CRKL: variants seen among roughly 807,000 people sequenced by gnomAD.
CRKL encodes CRK like proto-oncogene, adaptor protein.
In CRKL, 3 loss-of-function variants were observed where a neutral mutation model predicts 23.0. That is an observed-to-expected ratio of 0.13 (90% CI 0.06 to 0.34). CRKL has a LOEUF of 0.34. Ranked by LOEUF, CRKL falls within the 10% of genes least tolerant of loss-of-function variation. CRKL has a pLI of 1.00. For synonymous variants in CRKL, 188 were observed against 160.7 expected, an observed-to-expected ratio of 1.17 and a Z score of -1.28; for missense variants, 256 against 394.5, an observed-to-expected ratio of 0.65 and a Z score of 2.97.
chr22:20,942,345 GAGACC>G (rs889724976), intron 2 of CRKL, among the ~76,000 whole-genome samples: 1 of 152,148 alleles, frequency 6.6e-6, no homozygotes, highest in African/African-American at 2.4e-5. Context: ...CAAGGAGTTT[GAGACC>G]AGCCTGGGCA....
At chr22:20,919,717 A>G (rs1920970223) in intron 1 of CRKL, among the ~76,000 whole-genome samples, 1 of 152,138 alleles carries the variant, frequency 6.6e-6, no homozygotes, top group African/African-American at 2.4e-5. Flanking sequence ...GTGTTGATAC[A>G]GTTTTTCCAG....
Position 20,951,037 on chromosome 22 carries a change from A to C in CRKL, c.*1192A>C. The C allele has an allele frequency of 4.3e-6, 1 of 232,824 alleles. No homozygotes were observed. The highest frequency in any genetic ancestry group is 8.5e-6 in the Non-Finnish European group (1 of 117,792). The allele number at this position is 232,824 out of a possible 1,614,324, so 14.4% of individuals were successfully genotyped here. On this transcript the variant is annotated 3_prime_UTR_variant, in exon 3 of 3. Coordinates refer to ENST00000354336, the MANE Select transcript of CRKL (RefSeq NM_005207.4). ...ACCTTGTTTTGCCAGTGATAAGAGC[A>C]GTGGGTTGGAGGGCACTTGGCCAGT...
intron 1 of CRKL, among the ~76,000 whole-genome samples, chr22:20,922,685 A>AT (rs1425723482): frequency 2.0e-5 from 3 of 151,762 alleles, no homozygotes; most frequent in Admixed American, 6.6e-5. Flanking sequence ...TATTTTATTT[A>AT]TTTTTTTGAG....
intron 1 of CRKL, among the ~76,000 whole-genome samples, chr22:20,929,018 TATC>T (rs1391653396): frequency 1.3e-5 from 2 of 152,254 alleles, no homozygotes; most frequent in East Asian, 1.9e-4. Context: ...AGAGATTCGT[TATC>T]ATCAGAAAAG....
At chr22:20,922,916 A>G (rs1185919662) in intron 1 of CRKL, among the ~76,000 whole-genome samples, 2 of 151,964 alleles carry the variant, frequency 1.3e-5, no homozygotes, top group Non-Finnish European at 1.5e-5. Flanking sequence ...CAAGTGATCC[A>G]CCTGCCTGGG....
intron 2 of CRKL, among the ~76,000 whole-genome samples, chr22:20,945,085 C>G (rs1922010541): frequency 6.6e-6 from 1 of 151,694 alleles, no homozygotes; most frequent in African/African-American, 2.4e-5. Flanking sequence ...GCGCCACCTC[C>G]CGGGTGCACG....
chr22:20,920,885 C>G (rs1920985349), intron 1 of CRKL, among the ~76,000 whole-genome samples: 1 of 152,156 alleles, frequency 6.6e-6, no homozygotes, highest in Admixed American at 6.6e-5. Flanking sequence ...AGCTTTGTTT[C>G]TCCTTCTCTG....
At position 20,917,920 on chromosome 22, in the gene CRKL, C is replaced by A. The variant is rs1336375363; in HGVS notation, c.-15C>A. On this transcript the variant is annotated 5_prime_UTR_variant, in exon 1 of 3. Coordinates refer to ENST00000354336, the MANE Select transcript of CRKL (RefSeq NM_005207.4). ...GCCGCCGCCCCTACCGCCGCAGAGT[C>A]CCCGGTCCAACACCATGTCCTCCGC... 6 of 1,609,174 alleles carry A rather than the reference C, an allele frequency of 3.7e-6. No homozygotes were observed. The highest frequency in any genetic ancestry group is 1.1e-5 in the South Asian group (1 of 90,596).
chr22:20,940,566 CTTTTTT>C (rs55853175), intron 2 of CRKL, among the ~76,000 whole-genome samples: 1,931 of 134,864 alleles, frequency 0.014, 58 homozygotes, highest in Admixed American at 0.071. Context: ...TTTGGTGCTC[CTTTTTT>C]TTTTTTTTTT....
At chr22:20,947,589 C>T (rs1922109956) in intron 2 of CRKL, among the ~76,000 whole-genome samples, 1 of 151,982 alleles carries the variant, frequency 6.6e-6, no homozygotes, top group Admixed American at 6.6e-5. Flanking sequence ...ATCCATCTGC[C>T]TTGGCCTCCC....
Position 20,952,451 on chromosome 22 carries a change from A to G in CRKL, c.*2606A>G, listed in dbSNP as rs547496077. 1.0e-3 allele frequency: 235 copies of G among 231,356 alleles called. 2 individuals are homozygous for G. In the East Asian group the frequency reaches 0.014, roughly 14 times the overall value. 14.3% of individuals were successfully genotyped at this position (231,356 alleles called of 1,614,324 possible). A position where few individuals can be genotyped will look rare whatever the true frequency, so the allele number is the denominator to read the frequency against. The stretch of plus-strand genomic sequence containing the variant: ...AAGGCGAGCTTGAGTTCTGCACTCC[A>G]GATATGTGCCAAAACTAGTAAAACT... On this transcript the variant is annotated 3_prime_UTR_variant, in exon 3 of 3. Transcript: ENST00000354336.
chr22:20,941,792 C>T (rs1462992770), intron 2 of CRKL, among the ~76,000 whole-genome samples: 5 of 150,962 alleles, frequency 3.3e-5, no homozygotes, highest in African/African-American at 1.2e-4. Context: ...TGGGGTTTCA[C>T]CACCTTGGCT....
intron 2 of CRKL, among the ~76,000 whole-genome samples, chr22:20,935,419 G>A (rs1921617634): frequency 6.6e-6 from 1 of 151,974 alleles, no homozygotes; most frequent in Admixed American, 6.6e-5. Flanking sequence ...AGCCATAGAG[G>A]AATGATTTTA....
In CRKL at chr22:20,918,329, C is replaced by G; in HGVS notation, c.311+84C>G. ...TGCTTGTATAGGGGGGTGGGGCGCG[C>G]TTGAACCCATATTCCCCGCATTCTG... On this transcript the variant is annotated intron_variant, in intron 1 of 2. Transcript: ENST00000354336. 4.8e-6 allele frequency: 7 copies of G among 1,449,830 alleles called. No homozygotes were observed. The South Asian group carries it at 9.1e-5, about 19-fold the overall frequency. 89.8% of individuals were successfully genotyped at this position (1,449,830 alleles called of 1,614,324 possible). A position where few individuals can be genotyped will look rare whatever the true frequency, so the allele number is the denominator to read the frequency against.
chr22:20,946,372 A>G (rs1386857846), intron 2 of CRKL, among the ~76,000 whole-genome samples: 1 of 152,192 alleles, frequency 6.6e-6, no homozygotes, highest in Non-Finnish European at 1.5e-5. Flanking sequence ...CTTGGTAGAC[A>G]TAAAAGGGCT....
chr22:20,945,371 C>T (rs1922023089), intron 2 of CRKL, among the ~76,000 whole-genome samples: 1 of 131,354 alleles, frequency 7.6e-6, no homozygotes, highest in African/African-American at 2.8e-5. Context: ...TACCCTGCGA[C>T]TTTGCTGAAT....
intron 2 of CRKL, among the ~76,000 whole-genome samples, chr22:20,941,584 A>G (rs1274566201): frequency 1.4e-3 from 22 of 15,388 alleles, no homozygotes; most frequent in African/African-American, 1.9e-3. Flanking sequence ...GTGTGTATAT[A>G]TATATTTTTT....
chr22:20,950,031 C>T lies in CRKL; in HGVS notation c.*186C>T, dbSNP rs772959264. 2.4e-4 allele frequency: 170 copies of T among 707,850 alleles called. No individual in the cohort carries two copies. The highest frequency in any genetic ancestry group is 2.8e-4 in the Non-Finnish European group (127 of 453,492). The allele number at this position is 707,850 out of a possible 1,614,324, so 43.8% of individuals were successfully genotyped here. A position where few individuals can be genotyped will look rare whatever the true frequency, so the allele number is the denominator to read the frequency against. Reference sequence around the variant, plus strand: ...TGCCTCCTGATGTTTGTATCATAGTCGTATTGTCAAAGAGTAGCCGATTTT... The same window carrying T: ...TGCCTCCTGATGTTTGTATCATAGTTGTATTGTCAAAGAGTAGCCGATTTT... On this transcript the variant is annotated 3_prime_UTR_variant, in exon 3 of 3. Transcript: ENST00000354336.
At chr22:20,919,267 A>G (rs147112903) in intron 1 of CRKL, among the ~76,000 whole-genome samples, 1 of 152,222 alleles carries the variant, frequency 6.6e-6, no homozygotes, top group African/African-American at 2.4e-5. Flanking sequence ...TATTTTTTGG[A>G]AAATTTATTG....
Sources: gnomAD v4.1 joint callset for allele counts (sites outside exome capture counted in the v4.1 genomes callset) on GRCh38, gnomAD v4.1.1 for gene constraint, MANE v1.5 for transcripts, NCBI Gene and HGNC (gene_info 2026-07-23, HGNC 2026-07-21) for gene names.